The following GLI3 variants were observed in gnomAD, a reference collection of about 807,000 sequenced individuals.
The protein encoded by GLI3 is GLI family zinc finger 3, also known as transcription activator GLI3.
Under a neutral mutation model 100.8 loss-of-function variants are expected in GLI3, and 20 were observed. That is an observed-to-expected ratio of 0.20 (90% CI 0.14 to 0.29). GLI3 has a LOEUF of 0.29. Among genes scored for constraint, GLI3 ranks in the 10% least tolerant of loss-of-function variants. GLI3 has a pLI of 1.00. For synonymous variants in GLI3, 938 were observed against 860.5 expected (o/e 1.09, Z -1.58); for missense variants, 2,040 against 2,128.5 (o/e 0.96, Z 0.82).
chr7:41,995,366 T>C (rs1289705519), intron 10 of GLI3, among the ~76,000 whole-genome samples: 1 of 152,118 alleles, frequency 6.6e-6, no homozygotes, highest in African/African-American at 2.4e-5. Context: ...GTGTGTAGGC[T>C]GCACACACTG....
At chr7:42,211,176 A>AT (rs1788265354) in intron 2 of GLI3, among the ~76,000 whole-genome samples, 2 of 152,134 alleles carry the variant, frequency 1.3e-5, no homozygotes, top group South Asian at 2.1e-4. Flanking sequence ...GACGGTAGCT[A>AT]TTTTTTTCAA....
rs1787547025 is a variant in GLI3 at position 41,977,729 on chromosome 7, A to T, written c.1648-7T>A. The T allele has an allele frequency of 6.2e-7, 1 of 1,613,496 alleles. No individual in the cohort carries two copies. The highest frequency in any genetic ancestry group is 2.2e-5 in the East Asian group (1 of 44,880). Reference sequence around the variant, plus strand: ...CCTTTGTGCAACCTTCAAACTGAGGACAACAGGTAAATCTGGATTACTCTG... The same window carrying T: ...CCTTTGTGCAACCTTCAAACTGAGGTCAACAGGTAAATCTGGATTACTCTG... On this transcript the variant is annotated splice_region_variant and splice_polypyrimidine_tract_variant and intron_variant, in intron 11 of 14. Transcript: ENST00000395925.
rs1787400009 is a variant in GLI3 at position 41,972,765 on chromosome 7, C to T, written c.1813-138G>A. On this transcript the variant is annotated intron_variant, in intron 12 of 14. Coordinates refer to ENST00000395925, the MANE Select transcript of GLI3 (RefSeq NM_000168.6). This position sits in a 1 kb window ranked among gnomAD's most constrained non-coding sequence, Gnocchi z 4.4. ...ACAAGGCTTTGAGGTGTTCAGATAC[C>T]TCTAGGAACTAATAGTTTAATAAGG... 1.4e-6 allele frequency: 1 copy of T among 714,322 alleles called. No homozygotes were observed. 44.2% of individuals were successfully genotyped at this position (714,322 alleles called of 1,614,324 possible).
chr7:42,179,681 G>T (rs1787552042), intron 2 of GLI3, among the ~76,000 whole-genome samples: 1 of 152,140 alleles, frequency 6.6e-6, no homozygotes, highest in Non-Finnish European at 1.5e-5. Flanking sequence ...CTAGACTTGG[G>T]ATGTGTGTGT....
intron 4 of GLI3, among the ~76,000 whole-genome samples, chr7:42,073,748 CAGA>C: frequency 6.6e-6 from 1 of 152,274 alleles, no homozygotes; most frequent in East Asian, 1.9e-4. Context: ...AAGCTGGCAC[CAGA>C]AGAACAATTG....
At chr7:42,003,549 G>T (rs1479430106) in intron 10 of GLI3, among the ~76,000 whole-genome samples, 3 of 152,012 alleles carry the variant, frequency 2.0e-5, no homozygotes, top group Non-Finnish European at 4.4e-5. Context: ...TGTACAGCAG[G>T]CATTTAGTTT....
At chr7:42,125,800 ACT>A (rs1786111783) in intron 3 of GLI3, among the ~76,000 whole-genome samples, 1 of 152,152 alleles carries the variant, frequency 6.6e-6, no homozygotes, top group African/African-American at 2.4e-5. Flanking sequence ...TTACGTGCAA[ACT>A]CTGTACAATG....
chr7:42,113,974 C>A (rs1785782595), intron 3 of GLI3, among the ~76,000 whole-genome samples: 1 of 152,184 alleles, frequency 6.6e-6, no homozygotes, highest in South Asian at 2.1e-4. Flanking sequence ...CCTCTTCTCC[C>A]TTTCCACCTT....
rs981836302 is a variant in GLI3, at chr7:41,963,738, G to A, written c.*592C>T. On this transcript the variant is annotated 3_prime_UTR_variant, in exon 15 of 15. Coordinates refer to ENST00000395925, the MANE Select transcript of GLI3 (RefSeq NM_000168.6). Reference sequence around the variant, plus strand: ...TGCCCTGAACTGAATTGGAGATGGGGGGAACATCAATATTCTGTCATCTAT... The same window carrying A: ...TGCCCTGAACTGAATTGGAGATGGGAGGAACATCAATATTCTGTCATCTAT... 1 of 153,292 alleles carries A rather than the reference G, an allele frequency of 6.5e-6. No homozygotes were observed. 9.5% of individuals were successfully genotyped at this position (153,292 alleles called of 1,614,324 possible).
At chr7:41,978,844 A>T in intron 10 of GLI3, 96 bp from the exon 11 acceptor site, 1 of 1,042,154 alleles carries the variant, frequency 9.6e-7, no homozygotes. Flanking sequence ...CAATCTTAAA[A>T]ATTCTAAAGA....
chr7:42,067,790 G>A (rs967302370), intron 4 of GLI3, among the ~76,000 whole-genome samples: 2 of 152,124 alleles, frequency 1.3e-5, no homozygotes, highest in Non-Finnish European at 2.9e-5. Context: ...GCCTTAAAGA[G>A]AATGTCTTCA....
intron 10 of GLI3, among the ~76,000 whole-genome samples, chr7:41,999,059 G>A (rs185039539): frequency 7.4e-4 from 113 of 152,298 alleles, no homozygotes; most frequent in Admixed American, 2.0e-3. Context: ...ATGAAAAATG[G>A]ATTATTCAGA....
upstream of GLI3, among the ~76,000 whole-genome samples, chr7:42,237,362 G>C (rs1352618197): frequency 6.6e-6 from 1 of 152,060 alleles, no homozygotes; most frequent in African/African-American, 2.4e-5. Flanking sequence ...AGGGGAAAGA[G>C]AAAGAAAGAA....
chr7:42,134,436 G>A (rs556280904), intron 3 of GLI3, among the ~76,000 whole-genome samples: 9 of 152,214 alleles, frequency 5.9e-5, no homozygotes, highest in African/African-American at 1.9e-4. Flanking sequence ...GGCACTTTCC[G>A]TAGCCGCTAT....
At chr7:42,097,997 G>T (rs1377740951) in intron 3 of GLI3, among the ~76,000 whole-genome samples, 1 of 152,072 alleles carries the variant, frequency 6.6e-6, no homozygotes, top group Non-Finnish European at 1.5e-5. Flanking sequence ...TCTCCTCTTT[G>T]CGGATCAGAT....
At position 42,057,881 on chromosome 7, in the gene GLI3, CA is replaced by C. The variant is rs565925635; in HGVS notation, c.474-9186del. 3.7e-4 allele frequency among the ~76,000 whole-genome samples: 57 copies of C among 152,048 alleles called. 1 individual carries two copies. The highest frequency in any genetic ancestry group is 1.2e-3 in the African/African-American group (51 of 41,488). On this transcript the variant is annotated intron_variant, in intron 4 of 14. Coordinates refer to ENST00000395925, the MANE Select transcript of GLI3 (RefSeq NM_000168.6). Reference sequence around the variant, plus strand: ...ATGAACTTTAGAGACTGAAAGGCAGCAGGGGGCGAGGGGTCAGCGGAGGGGA... The same window carrying C: ...ATGAACTTTAGAGACTGAAAGGCAGCGGGGGCGAGGGGTCAGCGGAGGGGA...
intron 1 of GLI3, among the ~76,000 whole-genome samples, chr7:42,226,542 C>T (rs1788585543): frequency 6.6e-6 from 1 of 152,186 alleles, no homozygotes; most frequent in South Asian, 2.1e-4. Context: ...CTAATTCCTA[C>T]CCCCGTCTGA....
At chr7:42,033,597 G>A (rs1789356337) in intron 7 of GLI3, among the ~76,000 whole-genome samples, 1 of 152,170 alleles carries the variant, frequency 6.6e-6, no homozygotes, top group Non-Finnish European at 1.5e-5. Flanking sequence ...AGAGGGGAGA[G>A]AGACACATTC....
At chr7:41,982,988 C>T (rs1433617529) in intron 10 of GLI3, among the ~76,000 whole-genome samples, 1 of 152,190 alleles carries the variant, frequency 6.6e-6, no homozygotes. Flanking sequence ...CCACAGACAA[C>T]ATTTAAATGA....
Sources: allele counts gnomAD v4.1 joint callset (sites outside exome capture counted in the v4.1 genomes callset), GRCh38; gene constraint gnomAD v4.1.1; non-coding constraint Gnocchi (gnomAD v3.1); transcripts MANE v1.5; gene names NCBI Gene and HGNC (gene_info 2026-07-23, HGNC 2026-07-21).